AK6: variants seen among roughly 807,000 people sequenced by gnomAD.
AK6 encodes adenylate kinase 6.
In AK6, 24 loss-of-function variants were observed where a neutral mutation model predicts 23.7. That is an observed-to-expected ratio of 1.01 (90% CI 0.73 to 1.43). The LOEUF (loss-of-function observed/expected upper bound fraction) is 1.43. Ranked by LOEUF, AK6 falls within the 40% of genes most tolerant of loss-of-function variation. The probability of loss-of-function intolerance (pLI) is 0.00; values close to 1 mark genes in which losing one functional copy is unlikely to be tolerated. For missense variants in AK6, 191 were observed against 199.1 expected (o/e 0.96, Z 0.24); for synonymous variants, 73 against 69.8 (o/e 1.05, Z -0.23).
At chr5:69,368,506 C>A (rs546749730) in intron 1 of AK6, among the ~76,000 whole-genome samples, 97 of 152,186 alleles carry the variant, frequency 6.4e-4, no homozygotes, top group African/African-American at 2.2e-3. Flanking sequence ...TATGTTTGAT[C>A]CATGCAAAAA....
At chr5:69,366,740 T>C in intron 1 of AK6, 145 bp from the exon 2 acceptor site, 1 of 647,978 alleles carries the variant, frequency 1.5e-6, no homozygotes, top group Non-Finnish European at 2.7e-6. Context: ...AATGAAAAAT[T>C]TCCTAATTAG....
chr5:69,357,494 T>C (rs1302421472), intron 2 of AK6, among the ~76,000 whole-genome samples: 1 of 152,206 alleles, frequency 6.6e-6, no homozygotes, highest in African/African-American at 2.4e-5. Context: ...AAATGTTGAC[T>C]CTCTGTTCCT....
chr5:69,356,952 G>A (rs550154845), intron 2 of AK6, among the ~76,000 whole-genome samples: 2 of 152,108 alleles, frequency 1.3e-5, no homozygotes, highest in African/African-American at 2.4e-5. Flanking sequence ...CTTTCAGGAG[G>A]TAAGACATAC....
intron 2 of AK6, among the ~76,000 whole-genome samples, chr5:69,356,332 C>T (rs1028428605): frequency 6.6e-6 from 1 of 152,090 alleles, no homozygotes; most frequent in African/African-American, 2.4e-5. Context: ...AACACACTCA[C>T]ATACATTTAA....
intron 2 of AK6, chr5:69,364,951 T>C: frequency 6.2e-7 from 1 of 1,609,576 alleles, no homozygotes; most frequent in Non-Finnish European, 8.5e-7. Context: ...GATTACAGAT[T>C]ATCATAGTCA....
chr5:69,354,613 A>G (rs1762033769), intron 4 of AK6, among the ~76,000 whole-genome samples: 1 of 152,206 alleles, frequency 6.6e-6, no homozygotes, highest in Non-Finnish European at 1.5e-5. Flanking sequence ...GTTCTTCCGC[A>G]TTAAATCTGA....
chr5:69,366,816 T>G (rs929455594), intron 1 of AK6: 1 of 514,872 alleles, frequency 1.9e-6, no homozygotes, highest in Non-Finnish European at 3.5e-6. Flanking sequence ...TGGAGTGCAG[T>G]GGCACAATCT....
intron 4 of AK6, among the ~76,000 whole-genome samples, chr5:69,353,913 G>A (rs1274756705): frequency 6.7e-6 from 1 of 148,834 alleles, no homozygotes; most frequent in Non-Finnish European, 1.5e-5. Flanking sequence ...GGGACCACAG[G>A]TGCATGCCAC....
At chr5:69,365,136 G>C in intron 2 of AK6, 1 of 1,614,226 alleles carries the variant, frequency 6.2e-7, no homozygotes, top group Non-Finnish European at 8.5e-7. Flanking sequence ...AGGAATTGAA[G>C]CTTTTACAGC....
chr5:69,352,466 G>A (rs903765667), intron 4 of AK6, among the ~76,000 whole-genome samples: 1 of 151,238 alleles, frequency 6.6e-6, no homozygotes, highest in Non-Finnish European at 1.5e-5. Context: ...ATCTAGGTTT[G>A]TTTGAATTTC....
At chr5:69,369,407 G>C (rs1762746399) in intron 1 of AK6, 56 bp downstream of exon 1, 3 of 1,594,108 alleles carry the variant, frequency 1.9e-6, no homozygotes, top group Non-Finnish European at 2.6e-6. Context: ...GATGCCCAGA[G>C]CACTCTGCGC....
upstream of AK6, chr5:69,369,589 A>T (rs1386656037): frequency 6.3e-7 from 1 of 1,597,880 alleles, no homozygotes; most frequent in Non-Finnish European, 8.5e-7. Flanking sequence ...CCACGGCCCC[A>T]AAGGCCCCGA....
intron 2 of AK6, among the ~76,000 whole-genome samples, chr5:69,358,507 G>A (rs1190865664): frequency 9.8e-6 from 1 of 101,794 alleles, no homozygotes; most frequent in African/African-American, 3.8e-5. Context: ...GACAGAGCAA[G>A]ACTCTGTCTC....
chr5:69,363,843 T>TG, intron 2 of AK6, among the ~76,000 whole-genome samples: 1 of 149,482 alleles, frequency 6.7e-6, no homozygotes, highest in African/African-American at 2.5e-5. Context: ...ATCCCAGCAC[T>TG]CTGGGAGGCC....
intron 4 of AK6, among the ~76,000 whole-genome samples, chr5:69,353,229 C>T (rs1175264652): frequency 2.0e-5 from 3 of 151,942 alleles, no homozygotes; most frequent in African/African-American, 7.3e-5. Context: ...TATTGGTTGC[C>T]TAGGGCTGGG....
At chr5:69,355,869 A>G in intron 3 of AK6, 26 bp downstream of exon 3, 1 of 1,602,978 alleles carries the variant, frequency 6.2e-7, no homozygotes. Flanking sequence ...CAACAAATGC[A>G]TACTTTATGA....
intron 1 of AK6, among the ~76,000 whole-genome samples, chr5:69,368,080 T>C (rs990182470): frequency 1.6e-4 from 25 of 152,292 alleles, no homozygotes; most frequent in African/African-American, 5.3e-4. Flanking sequence ...ACTGACCCCT[T>C]GCGCCCTTCC....
rs143409203 is a variant in AK6 at position 69,366,709 on chromosome 5, T to C, written c.29-114A>G. 690 of 749,412 alleles carry C rather than the reference T, an allele frequency of 9.2e-4. 2 individuals carry two copies. In the African/African-American group the frequency reaches 0.01, roughly 11 times the overall value. The allele number at this position is 749,412 out of a possible 1,614,324, so 46.4% of individuals were successfully genotyped here. Reference sequence around the variant, plus strand: ...ACAGAGTCTCACCTGGCCTCTGCCCTTAAAAGTTCTTGACGACTGAAATGA... The same window carrying C: ...ACAGAGTCTCACCTGGCCTCTGCCCCTAAAAGTTCTTGACGACTGAAATGA... On this transcript the variant is annotated intron_variant, in intron 1 of 4. Transcript: ENST00000380822.
chr5:69,360,808 A>G (rs1224380474), intron 2 of AK6, among the ~76,000 whole-genome samples: 1 of 152,160 alleles, frequency 6.6e-6, no homozygotes, highest in Non-Finnish European at 1.5e-5. Flanking sequence ...GCCAGGTAAT[A>G]CCTTACGCTT....
Sources: gnomAD v4.1 joint callset for allele counts (sites outside exome capture counted in the v4.1 genomes callset) on GRCh38, gnomAD v4.1.1 for gene constraint, MANE v1.5 for transcripts, NCBI Gene and HGNC (gene_info 2026-07-23, HGNC 2026-07-21) for gene names.